SSH1: variants seen among roughly 807,000 people sequenced by gnomAD.
SSH1 encodes the protein slingshot protein phosphatase 1, also known as protein phosphatase Slingshot homolog 1.
Under a neutral mutation model 79.7 loss-of-function variants are expected in SSH1, and 43 were observed. That is an observed-to-expected ratio of 0.54 (90% CI 0.42 to 0.70). The LOEUF (loss-of-function observed/expected upper bound fraction) is 0.70, where lower values mean the gene tolerates loss of function less well. Among genes scored for constraint, SSH1 ranks in the 30% least tolerant of loss-of-function variants. The pLI is 0.00. For synonymous variants in SSH1, 599 were observed against 538.3 expected, an observed-to-expected ratio of 1.11 and a Z score of -1.56; for missense variants, 1,206 against 1,358.8, an observed-to-expected ratio of 0.89 and a Z score of 1.77.
intron 2 of SSH1, among the ~76,000 whole-genome samples, chr12:108,847,648 G>A (rs2038928367): frequency 1.3e-5 from 2 of 152,180 alleles, no homozygotes; most frequent in South Asian, 2.1e-4. Flanking sequence ...GTAGAAAGGG[G>A]GTTTCACCAT....
chr12:108,822,118 G>A (rs1277019941), intron 3 of SSH1, among the ~76,000 whole-genome samples: 2 of 151,742 alleles, frequency 1.3e-5, no homozygotes, highest in Admixed American at 6.6e-5. Context: ...GTGCAGTGGC[G>A]CAATCGTGGC....
intron 5 of SSH1, among the ~76,000 whole-genome samples, chr12:108,813,963 C>G (rs1234701926): frequency 6.6e-6 from 1 of 152,156 alleles, no homozygotes; most frequent in Non-Finnish European, 1.5e-5. Context: ...GTGGCTCACG[C>G]CTGTAATCCC....
chr12:108,827,718 C>T (rs2038362193), intron 2 of SSH1, among the ~76,000 whole-genome samples: 2 of 152,170 alleles, frequency 1.3e-5, no homozygotes, highest in African/African-American at 4.8e-5. Context: ...GAACCAACCC[C>T]AAGCAACAAG....
rs377145219 is a variant in SSH1 at position 108,807,787 on chromosome 12, G to T, written c.577C>A (p.Arg193=). Residue 193 remains arginine, a synonymous_variant, in exon 8 of 15, where the codon CGG becomes AGG. Coordinates refer to ENST00000326495, the MANE Select transcript of SSH1 (RefSeq NM_018984.4). The surrounding 1 kb of genome is among the most constrained non-coding windows in gnomAD (Gnocchi z 5.2). ...QVLHKACEVA[R]RHNYFPGGVA... ...CCCCCGGGGAAGTAGTTGTGCCTCC[G>T]GGCCACTTCGCAGGCCTTGTGAAGC... is the stretch of plus-strand genomic sequence containing the variant. The T allele has an allele frequency of 6.2e-7, 1 of 1,613,896 alleles. No individual in the cohort carries two copies. Among genetic ancestry groups the T allele is most frequent in the East Asian group, 2.2e-5 (1 of 44,868 alleles).
chr12:108,820,815 G>A (rs907045213), intron 3 of SSH1, among the ~76,000 whole-genome samples: 1 of 152,206 alleles, frequency 6.6e-6, no homozygotes, highest in African/African-American at 2.4e-5. Flanking sequence ...CGTAAGTCTA[G>A]TCTGCGTCTG....
intron 14 of SSH1, chr12:108,791,820 C>T (rs761064806): frequency 1.7e-5 from 9 of 519,584 alleles, no homozygotes; most frequent in Non-Finnish European, 2.4e-5. Flanking sequence ...ATACAGGTAT[C>T]TATATCTAAA....
At chr12:108,812,654 C>T (rs550767101) in intron 5 of SSH1, among the ~76,000 whole-genome samples, 2 of 152,296 alleles carry the variant, frequency 1.3e-5, no homozygotes, top group East Asian at 1.9e-4. Flanking sequence ...GACAGAGATG[C>T]GCAAGAGGCT....
chr12:108,827,572 C>T, intron 2 of SSH1: 1 of 1,260,184 alleles, frequency 7.9e-7, no homozygotes, highest in Non-Finnish European at 1.0e-6. Flanking sequence ...CCAGCACATC[C>T]TGATGAAAGA....
intron 4 of SSH1, among the ~76,000 whole-genome samples, chr12:108,817,750 G>A (rs919116272): frequency 1.3e-5 from 2 of 152,332 alleles, no homozygotes; most frequent in South Asian, 4.1e-4. Context: ...TTTAACTGCC[G>A]TGGAGACCTG....
rs771611120 is a variant in SSH1 at position 108,787,612 on chromosome 12, C to T, written c.*376G>A. On this transcript the variant is annotated 3_prime_UTR_variant, in exon 15 of 15. Transcript: ENST00000326495. ...CTGCGAGGCCAAGAATGAGCTAGAA[C>T]GTGTGCCGCGGTGAGGCTGCCACCA... 4 of 266,522 alleles carry T rather than the reference C, an allele frequency of 1.5e-5. No individual in the cohort carries two copies. Among genetic ancestry groups the T allele is most frequent in the East Asian group, 1.9e-4 (2 of 10,450 alleles). The allele number at this position is 266,522 out of a possible 1,614,324, so 16.5% of individuals were successfully genotyped here. A position where few individuals can be genotyped will look rare whatever the true frequency, so the allele number is the denominator to read the frequency against.
chr12:108,851,380 T>C (rs1256071272), intron 2 of SSH1, among the ~76,000 whole-genome samples: 1 of 152,246 alleles, frequency 6.6e-6, no homozygotes, highest in East Asian at 1.9e-4. Flanking sequence ...CGGTAATGAA[T>C]GGTTGACCCC....
chr12:108,787,767 C>T lies in SSH1; in HGVS notation c.*221G>A. On this transcript the variant is annotated 3_prime_UTR_variant, in exon 15 of 15. Coordinates refer to ENST00000326495, the MANE Select transcript of SSH1 (RefSeq NM_018984.4). ...GAGTTTTGTGTCTCCTGGCCGGCGG[C>T]TCCTGGTTCTCCCAGGCCACACGAC... The T allele has an allele frequency of 3.3e-6, 2 of 613,410 alleles. No individual in the cohort carries two copies. Among genetic ancestry groups the T allele is most frequent in the Non-Finnish European group, 2.8e-6 (1 of 355,262 alleles). The allele number at this position is 613,410 out of a possible 1,614,324, so 38.0% of individuals were successfully genotyped here.
chr12:108,842,684 T>C (rs974650880), intron 2 of SSH1, among the ~76,000 whole-genome samples: 1 of 152,228 alleles, frequency 6.6e-6, no homozygotes, highest in Admixed American at 6.5e-5. Flanking sequence ...GTTCTTCTGA[T>C]AAACTCCATT....
intron 2 of SSH1, among the ~76,000 whole-genome samples, chr12:108,844,701 A>T (rs1469210460): frequency 6.6e-6 from 1 of 152,240 alleles, no homozygotes; most frequent in East Asian, 1.9e-4. Context: ...GCTGCACATT[A>T]AAGGCGGTAA....
chr12:108,843,014 C>T (rs1054702554), intron 2 of SSH1, among the ~76,000 whole-genome samples: 1 of 152,164 alleles, frequency 6.6e-6, no homozygotes, highest in Non-Finnish European at 1.5e-5. Flanking sequence ...TGGGCACTTA[C>T]CAACACACGA....
chr12:108,791,385 G>C (rs1238187391), intron 14 of SSH1, among the ~76,000 whole-genome samples: 1 of 152,214 alleles, frequency 6.6e-6, no homozygotes, highest in Non-Finnish European at 1.5e-5. Context: ...TGGGATTACA[G>C]ATGTGAGCTA....
intron 14 of SSH1, chr12:108,791,938 A>T: frequency 1.5e-6 from 2 of 1,306,750 alleles, no homozygotes; most frequent in African/African-American, 1.5e-5. Context: ...CTGATAAATT[A>T]TATGTTTTAA....
In SSH1 at chr12:108,792,441, G is replaced by T. The variant is rs540829930; in HGVS notation, c.1738C>A (p.Arg580=). ...TCCACCTGCAGCAAGGAGCCGCTCC[G>T]ACCTTTGGGACTCCCAAACTCTAGT... ...KKLEFGSPKG[R]SGSLLQVEET... Residue 580 remains arginine (R), a synonymous_variant, in exon 14 of 15, where the codon CGG becomes AGG. Transcript: ENST00000326495. 1 of 1,614,040 alleles carries T rather than the reference G, an allele frequency of 6.2e-7. No individual in the cohort carries two copies. The highest frequency in any genetic ancestry group is 1.7e-5 in the Admixed American group (1 of 59,996).
At chr12:108,840,614 C>T (rs2038753801) in intron 2 of SSH1, among the ~76,000 whole-genome samples, 1 of 152,192 alleles carries the variant, frequency 6.6e-6, no homozygotes, top group Admixed American at 6.5e-5. Context: ...TCATTTTCAG[C>T]CTTCCTTGAA....
Sources: gnomAD v4.1 joint callset for allele counts (sites outside exome capture counted in the v4.1 genomes callset) on GRCh38, gnomAD v4.1.1 for gene constraint, Gnocchi (gnomAD v3.1) non-coding constraint, MANE v1.5 for transcripts, NCBI Gene and HGNC (gene_info 2026-07-23, HGNC 2026-07-21) for gene names.